USP18: variants seen among roughly 807,000 people sequenced by gnomAD.
The protein encoded by USP18 is ubl carboxyl-terminal hydrolase 18.
Under a neutral mutation model 48.7 loss-of-function variants are expected in USP18, and 11 were observed. The ratio of observed to expected loss-of-function variants is 0.23; its 90% CI spans 0.14 to 0.37. The LOEUF (loss-of-function observed/expected upper bound fraction) is 0.37, where lower values mean the gene tolerates loss of function less well. Ranked by LOEUF, USP18 falls within the 10% of genes least tolerant of loss-of-function variation. The pLI is 1.00. For synonymous variants in USP18, 114 were observed against 163.2 expected (o/e 0.70, Z 2.30); for missense variants, 285 against 436.4 (o/e 0.65, Z 3.09).
intron 9 of USP18, 52 bp from the exon 10 acceptor site, chr22:18,173,741 G>C (rs1275977279): frequency 1.9e-6 from 3 of 1,604,666 alleles, no homozygotes; most frequent in African/African-American, 2.7e-5. Context: ...CCTGTCCTCT[G>C]TGGGTGCTTG....
chr22:18,173,076 T>G (rs1929679821), intron 8 of USP18, 74 bp from the exon 9 acceptor site: 18 of 1,603,730 alleles, frequency 1.1e-5, no homozygotes, highest in Non-Finnish European at 1.5e-5. Context: ...GGGCCTAGTG[T>G]GGGCAGGTAT....
rs745995084 is a variant in USP18 at position 18,160,247 on chromosome 22, A to C, written c.233A>C (p.Asp78Ala). The change falls in exon 3 of 11, where the codon GAC (aspartate) becomes GCC (alanine). Residue 78 changes from aspartate (D) to alanine (A), a missense_variant. By Grantham distance (126) the Asp-to-Ala change is moderately radical (BLOSUM62 -2). This residue lies in a region of USP18 where 199 missense variants were observed against 239.6 expected (regional missense o/e 0.83). Transcript: ENST00000215794. Reference protein sequence around the residue: ...SLIQVFVMNVDFTRILKRITV... With the variant: ...SLIQVFVMNVAFTRILKRITV... ...ATTCAGGTGTTCGTAATGAATGTGGACTTCACCAGGATATTGAAGAGGTAA... is the reference window on the plus strand; with the variant it reads ...ATTCAGGTGTTCGTAATGAATGTGGCCTTCACCAGGATATTGAAGAGGTAA... 2 of 1,614,140 alleles carry C rather than the reference A, an allele frequency of 1.2e-6. No individual in the cohort carries two copies. The highest frequency in any genetic ancestry group is 1.7e-6 in the Non-Finnish European group (2 of 1,179,996).
chr22:18,166,890 G>A (rs530636923), intron 4 of USP18, among the ~76,000 whole-genome samples: 3 of 151,016 alleles, frequency 2.0e-5, no homozygotes, highest in East Asian at 1.9e-4. Context: ...GGCGTGCACC[G>A]CTACTCTCAA....
At chr22:18,157,012 A>T (rs1929174296) in intron 1 of USP18, among the ~76,000 whole-genome samples, 1 of 152,084 alleles carries the variant, frequency 6.6e-6, no homozygotes, top group South Asian at 2.1e-4. Context: ...ATTGAGTCAC[A>T]CCCCCAGAAT....
At position 18,151,623 on chromosome 22, in the gene USP18, C is replaced by G. The variant is rs116026563; in HGVS notation, c.-107+1401C>G. Among the ~76,000 whole-genome samples the G allele has an allele frequency of 3.0e-3, 452 of 151,122 alleles. 5 individuals are homozygous for G. Among genetic ancestry groups the G allele is most frequent in the African/African-American group, 0.011 (436 of 41,278 alleles). On this transcript the variant is annotated intron_variant, in intron 1 of 10. Coordinates refer to ENST00000215794, the MANE Select transcript of USP18 (RefSeq NM_017414.4). The stretch of plus-strand genomic sequence containing the variant: ...AAAATGCTTAACATAAACATAGTTT[C>G]AAAGAAGGTAAGTCCTAGTTTTTCC...
At chr22:18,167,688 ACT>A (rs1469102028) in intron 5 of USP18, among the ~76,000 whole-genome samples, 200 bp from the exon 6 acceptor site, 1 of 127,726 alleles carries the variant, frequency 7.8e-6, no homozygotes, top group East Asian at 2.1e-4. Flanking sequence ...ACAGAGCGAG[ACT>A]CTGTCTCAAA....
intron 6 of USP18, 98 bp downstream of exon 6, chr22:18,168,134 A>G (rs1278576691): frequency 6.5e-7 from 1 of 1,533,280 alleles, no homozygotes; most frequent in African/African-American, 1.4e-5. Context: ...TATTTCTTAC[A>G]GTTCTGGAGG....
At chr22:18,158,734 A>C (rs1929237028) in intron 2 of USP18, among the ~76,000 whole-genome samples, 1 of 152,118 alleles carries the variant, frequency 6.6e-6, no homozygotes, top group Non-Finnish European at 1.5e-5. Context: ...GATTAGGTGA[A>C]TCTTCCCCAA....
intron 2 of USP18, among the ~76,000 whole-genome samples, chr22:18,158,422 A>G (rs1465442510): frequency 6.6e-6 from 1 of 152,230 alleles, no homozygotes; most frequent in Non-Finnish European, 1.5e-5. Context: ...ATTAGTTCCC[A>G]TCTTTACTGC....
chr22:18,168,906 C>G (rs1396871557), intron 6 of USP18, among the ~76,000 whole-genome samples: 1 of 152,144 alleles, frequency 6.6e-6, no homozygotes. Flanking sequence ...AAATGTTTTT[C>G]CCTCCTACCT....
chr22:18,152,739 C>T (rs1929031349), intron 1 of USP18, among the ~76,000 whole-genome samples: 1 of 152,102 alleles, frequency 6.6e-6, no homozygotes, highest in South Asian at 2.1e-4. Context: ...CTTCACTTTC[C>T]TTTCCTTGCT....
At position 18,168,189 on chromosome 22, in the gene USP18, T is replaced by C. The variant is rs539885081; in HGVS notation, c.627+153T>C. 9.1e-4 allele frequency among the ~76,000 whole-genome samples: 138 copies of C among 152,224 alleles called. 2 individuals are homozygous for C. The highest frequency in any genetic ancestry group is 6.8e-3 in the Middle Eastern group (2 of 294). ...GGGCTGCACCTGGTGAGGGCCTGCTTGCTGGTGGGAACTCTCAGAGTCCTG... is the reference window on the plus strand; with the variant it reads ...GGGCTGCACCTGGTGAGGGCCTGCTCGCTGGTGGGAACTCTCAGAGTCCTG... On this transcript the variant is annotated intron_variant, in intron 6 of 10. Coordinates refer to ENST00000215794, the MANE Select transcript of USP18 (RefSeq NM_017414.4).
At chr22:18,150,947 T>TCAAA (rs567112938) in intron 1 of USP18, among the ~76,000 whole-genome samples, 3 of 152,198 alleles carry the variant, frequency 2.0e-5, no homozygotes, top group Non-Finnish European at 4.4e-5. Context: ...CGAAACTGTC[T>TCAAA]CAAACAAACA....
chr22:18,175,319 G>A (rs563527358), intron 10 of USP18, among the ~76,000 whole-genome samples: 1 of 152,082 alleles, frequency 6.6e-6, no homozygotes, highest in Non-Finnish European at 1.5e-5. Context: ...CTGTATATCA[G>A]AGATCCTATT....
chr22:18,152,205 G>T (rs1457312044), intron 1 of USP18, among the ~76,000 whole-genome samples: 2 of 152,208 alleles, frequency 1.3e-5, no homozygotes, highest in Non-Finnish European at 1.5e-5. Flanking sequence ...GGTTAATTTT[G>T]TTCCTTTTAG....
intron 10 of USP18, among the ~76,000 whole-genome samples, chr22:18,174,268 C>T (rs1367636919): frequency 2.7e-5 from 4 of 150,278 alleles, no homozygotes; most frequent in African/African-American, 9.8e-5. Flanking sequence ...GCTCTGTTGC[C>T]GGGCTGGAGT....
chr22:18,169,231 G>A (rs796775678), intron 6 of USP18, among the ~76,000 whole-genome samples: 3 of 152,002 alleles, frequency 2.0e-5, no homozygotes, highest in Admixed American at 6.6e-5. Flanking sequence ...ACCATCCCCC[G>A]TGGTGCTGTC....
chr22:18,170,717 G>A (rs755637895), intron 7 of USP18, 36 bp from the exon 8 acceptor site: 4 of 1,607,810 alleles, frequency 2.5e-6, no homozygotes, highest in Non-Finnish European at 3.4e-6. Context: ...CTCATTCCAA[G>A]TAGACTTCAT....
intron 6 of USP18, 110 bp from the exon 7 acceptor site, chr22:18,169,734 A>G: frequency 3.1e-6 from 4 of 1,304,056 alleles, no homozygotes; most frequent in East Asian, 2.5e-5. Context: ...TTTTCTTATA[A>G]ATTACCCAGT....
Sources: allele counts gnomAD v4.1 joint callset (sites outside exome capture counted in the v4.1 genomes callset), GRCh38; gene constraint gnomAD v4.1.1; regional missense constraint gnomAD v4.1.1; transcripts MANE v1.5; gene names NCBI Gene and HGNC (gene_info 2026-07-23, HGNC 2026-07-21).